Variants in STX3 observed in about 807,000 individuals in gnomAD.
STX3 encodes syntaxin-3.
A neutral mutation model predicts 40.2 loss-of-function variants in STX3; 19 were observed. The observed-to-expected ratio is 0.47, with a 90% CI of 0.33 to 0.69. The LOEUF (loss-of-function observed/expected upper bound fraction) is 0.69, where lower values mean the gene tolerates loss of function less well. Ranked by LOEUF, STX3 falls within the 30% of genes least tolerant of loss-of-function variation. The pLI is 0.02. For missense variants in STX3, 364 were observed against 366.7 expected (o/e 0.99, Z 0.06); for synonymous variants, 122 against 132.2 (o/e 0.92, Z 0.53).
chr11:59,760,372 G>C (rs1240769440), intron 1 of STX3, among the ~76,000 whole-genome samples: 3 of 151,158 alleles, frequency 2.0e-5, no homozygotes, highest in South Asian at 2.1e-4. Flanking sequence ...CATTCTTGCA[G>C]CTCTCACGGG....
chr11:59,760,258 C>T (rs1478550077), intron 1 of STX3, among the ~76,000 whole-genome samples: 2 of 152,144 alleles, frequency 1.3e-5, no homozygotes, highest in Non-Finnish European at 2.9e-5. Context: ...TCTCTCTCTT[C>T]CAAAGCTTCC....
At chr11:59,763,068 A>G (rs1426659487) in intron 1 of STX3, among the ~76,000 whole-genome samples, 9 of 152,172 alleles carry the variant, frequency 5.9e-5, no homozygotes. Context: ...GTCATGTGGT[A>G]TTGTATCGCA....
At chr11:59,767,505 A>G (rs551972840) in intron 1 of STX3, among the ~76,000 whole-genome samples, 2 of 152,246 alleles carry the variant, frequency 1.3e-5, no homozygotes, top group South Asian at 4.2e-4. Flanking sequence ...CTAGATCTGC[A>G]AGAGAGCACA....
intron 2 of STX3, among the ~76,000 whole-genome samples, chr11:59,775,108 G>A (rs1374740768): frequency 1.3e-5 from 2 of 152,130 alleles, no homozygotes; most frequent in Non-Finnish European, 2.9e-5. Flanking sequence ...TTTTCTGAAA[G>A]GAATGGAGTG....
intron 2 of STX3, among the ~76,000 whole-genome samples, chr11:59,784,155 T>TA (rs1235777066): frequency 6.6e-6 from 1 of 152,238 alleles, no homozygotes; most frequent in Non-Finnish European, 1.5e-5. Context: ...CCTGTGCTTC[T>TA]ACCATTGACT....
At position 59,801,041 on chromosome 11, in the gene STX3, C is replaced by T; in HGVS notation, c.*217C>T. The T allele has an allele frequency of 6.7e-7, 1 of 1,482,154 alleles. No individual in the cohort carries two copies. The highest frequency in any genetic ancestry group is 8.9e-7 in the Non-Finnish European group (1 of 1,118,598). The allele number at this position is 1,482,154 out of a possible 1,614,324, so 91.8% of individuals were successfully genotyped here. A position where few individuals can be genotyped will look rare whatever the true frequency, so the allele number is the denominator to read the frequency against. On this transcript the variant is annotated 3_prime_UTR_variant, in exon 11 of 11. Transcript: ENST00000337979. ...ACCTGATGCGACCCTGAGTTCTCCC[C>T]AGAGCCTCCTCCTGCCCCACCAGCT...
At chr11:59,775,323 G>A (rs143835783) in intron 2 of STX3, among the ~76,000 whole-genome samples, 21 of 152,288 alleles carry the variant, frequency 1.4e-4, no homozygotes, top group African/African-American at 4.8e-4. Flanking sequence ...ATTGTGGATC[G>A]TGGAAGGACA....
chr11:59,780,316 C>G (rs895489556), intron 2 of STX3, among the ~76,000 whole-genome samples: 6 of 152,270 alleles, frequency 3.9e-5, no homozygotes, highest in African/African-American at 1.2e-4. Flanking sequence ...AAGATGATCT[C>G]TCTCTCAGCC....
intron 3 of STX3, among the ~76,000 whole-genome samples, chr11:59,788,547 C>G (rs892544571): frequency 6.6e-6 from 1 of 151,844 alleles, no homozygotes. Context: ...CCGAAGCTCC[C>G]GTGGTAGGCT....
intron 4 of STX3, among the ~76,000 whole-genome samples, chr11:59,790,270 A>C (rs1414116548): frequency 2.0e-5 from 3 of 152,238 alleles, no homozygotes; most frequent in African/African-American, 7.2e-5. Context: ...GTGCCAGGGC[A>C]AGGATTCAAG....
chr11:59,755,158 C>A (rs918981997), upstream of STX3: 1 of 156,322 alleles, frequency 6.4e-6, no homozygotes. Context: ...CGCTCTTGCT[C>A]TTCCTCGGCC....
intron 10 of STX3, among the ~76,000 whole-genome samples, chr11:59,799,522 C>T (rs1327311612): frequency 6.6e-6 from 1 of 152,162 alleles, no homozygotes. Context: ...GTGTGACTAA[C>T]CTTATTTAAT....
chr11:59,779,174 T>A (rs1190019299), intron 2 of STX3, among the ~76,000 whole-genome samples: 1 of 152,212 alleles, frequency 6.6e-6, no homozygotes, highest in Non-Finnish European at 1.5e-5. Context: ...TAGTTTGGGC[T>A]GCTATGAGAA....
Position 59,790,597 on chromosome 11 carries a change from T to C in STX3, c.357+11T>C. The C allele has an allele frequency of 6.2e-7, 1 of 1,606,080 alleles. No homozygotes were observed. The highest frequency in any genetic ancestry group is 1.1e-5 in the South Asian group (1 of 90,892). The stretch of plus-strand genomic sequence containing the variant: ...ATTCGGAAATCCCAGGTAAGACTTT[T>C]CCTGGTCTCATGATTAGCTAGTCCA... On this transcript the variant is annotated intron_variant, in intron 5 of 10. Coordinates refer to ENST00000337979, the MANE Select transcript of STX3 (RefSeq NM_004177.5).
At position 59,802,110 on chromosome 11, in the gene STX3, C is replaced by T; in HGVS notation, c.*1286C>T. On this transcript the variant is annotated 3_prime_UTR_variant, in exon 11 of 11. Transcript: ENST00000337979. ...CCTCAGTAACTTGATATTCACATGACCTACAGGATGTCCCATCTGCAGGGC... is the reference window on the plus strand; with the variant it reads ...CCTCAGTAACTTGATATTCACATGATCTACAGGATGTCCCATCTGCAGGGC... 1 of 985,420 alleles carries T rather than the reference C, an allele frequency of 1.0e-6. No individual in the cohort carries two copies. The highest frequency in any genetic ancestry group is 1.2e-6 in the Non-Finnish European group (1 of 829,934). 61.0% of individuals were successfully genotyped at this position (985,420 alleles called of 1,614,324 possible). A position where few individuals can be genotyped will look rare whatever the true frequency, so the allele number is the denominator to read the frequency against.
At chr11:59,773,073 T>C in intron 1 of STX3, 138 bp from the exon 2 acceptor site, 2 of 764,076 alleles carry the variant, frequency 2.6e-6, no homozygotes, top group South Asian at 1.7e-5. Flanking sequence ...GAATTTGATA[T>C]ATCAGAGAGC....
intron 2 of STX3, among the ~76,000 whole-genome samples, chr11:59,776,056 G>C (rs1043409906): frequency 2.0e-5 from 3 of 152,212 alleles, no homozygotes; most frequent in Non-Finnish European, 4.4e-5. Context: ...GATTAAAGGA[G>C]CTAATGCTCA....
At chr11:59,759,504 T>C (rs1335262749) in intron 1 of STX3, among the ~76,000 whole-genome samples, 2 of 152,118 alleles carry the variant, frequency 1.3e-5, no homozygotes, top group Non-Finnish European at 2.9e-5. Flanking sequence ...ATGTAGTATA[T>C]GACAAGAGGG....
At chr11:59,790,909 A>G (rs1024809116) in intron 5 of STX3, among the ~76,000 whole-genome samples, 3 of 152,174 alleles carry the variant, frequency 2.0e-5, no homozygotes, top group Admixed American at 2.0e-4. Context: ...TTGGTTGTCC[A>G]GTTTGGAGCT....
Sources: allele counts gnomAD v4.1 joint callset (sites outside exome capture counted in the v4.1 genomes callset), GRCh38; gene constraint gnomAD v4.1.1; transcripts MANE v1.5; gene names NCBI Gene and HGNC (gene_info 2026-07-23, HGNC 2026-07-21).